ASPSCR1: variants seen among roughly 807,000 people sequenced by gnomAD.
ASPSCR1 encodes the protein ASPSCR1 tether for SLC2A4, UBX domain containing.
Under a neutral mutation model 68.9 loss-of-function variants are expected in ASPSCR1, and 55 were observed. The observed-to-expected ratio is 0.80, with a 90% confidence interval of 0.64 to 1.00. ASPSCR1 has a LOEUF of 1.00. ASPSCR1 is among the 50% of genes least tolerant of loss of function. The probability of loss-of-function intolerance (pLI) is 0.00; values close to 1 mark genes in which losing one functional copy is unlikely to be tolerated. For missense variants in ASPSCR1, 765 were observed against 762.2 expected (o/e 1.00, Z -0.04); for synonymous variants, 352 against 332.6 (o/e 1.06, Z -0.63).
At position 81,977,868 on chromosome 17, in the gene ASPSCR1, C is replaced by G. The variant is rs1442038533; in HGVS notation, c.102+120C>G. The G allele has an allele frequency of 2.9e-6, 2 of 689,760 alleles. No individual in the cohort carries two copies. Among genetic ancestry groups the G allele is most frequent in the Non-Finnish European group, 3.9e-6 (2 of 510,252 alleles). 42.7% of individuals were successfully genotyped at this position (689,760 alleles called of 1,614,324 possible). A position where few individuals can be genotyped will look rare whatever the true frequency, so the allele number is the denominator to read the frequency against. On this transcript the variant is annotated intron_variant, in intron 1 of 15. Coordinates refer to ENST00000306739, the MANE Select transcript of ASPSCR1 (RefSeq NM_024083.4). This position sits in a 1 kb window ranked among gnomAD's most constrained non-coding sequence, Gnocchi z 5.0. ...GGGGCCTCGGCGGCCAATGAGCGGCCTCCTGAGCGGCGGCCCCGCCCCCTG... is the reference window on the plus strand; with the variant it reads ...GGGGCCTCGGCGGCCAATGAGCGGCGTCCTGAGCGGCGGCCCCGCCCCCTG...
chr17:81,994,760 C>T, intron 4 of ASPSCR1, 61 bp from the exon 5 acceptor site: 1 of 1,540,480 alleles, frequency 6.5e-7, no homozygotes, highest in Non-Finnish European at 9.0e-7. Context: ...TGCCCCAGGG[C>T]CTCCGTGGCA....
chr17:82,015,413 C>T, intron 12 of ASPSCR1: 2 of 1,539,114 alleles, frequency 1.3e-6, no homozygotes, highest in Non-Finnish European at 8.7e-7. Flanking sequence ...AGCCCAGGTG[C>T]CCCAGGCCTG....
intron 1 of ASPSCR1, 57 bp from the exon 2 acceptor site, chr17:81,979,127 C>A: frequency 6.3e-7 from 1 of 1,591,606 alleles, no homozygotes; most frequent in Non-Finnish European, 8.6e-7. Context: ...ACCTGGCCCA[C>A]TGCGCCCGCC....
At chr17:81,985,483 T>A in intron 3 of ASPSCR1, 24 bp from the exon 4 acceptor site, 3 of 1,609,360 alleles carry the variant, frequency 1.9e-6, no homozygotes, top group Non-Finnish European at 2.6e-6. Flanking sequence ...CCTAAGGAAG[T>A]TTCTCATGTC....
chr17:81,977,676 C>G lies in ASPSCR1; in HGVS notation c.30C>G (p.Ser10=). The G allele has an allele frequency of 2.1e-6, 3 of 1,399,342 alleles. No individual in the cohort carries two copies. The highest frequency in any genetic ancestry group is 3.1e-5 in the East Asian group (1 of 32,352). The allele number at this position is 1,399,342 out of a possible 1,614,324, so 86.7% of individuals were successfully genotyped here. MAAPAGGGG[S]AVSVLAPNGR... ...CGGCCCCGGCAGGCGGCGGAGGCTCCGCGGTGTCGGTGCTGGCCCCGAACG... is the reference window on the plus strand; with the variant it reads ...CGGCCCCGGCAGGCGGCGGAGGCTCGGCGGTGTCGGTGCTGGCCCCGAACG... The change falls in exon 1 of 16, where the codon TCC becomes TCG. Residue 10 remains serine, a synonymous_variant. Transcript: ENST00000306739. This position sits in a 1 kb window ranked among gnomAD's most constrained non-coding sequence, Gnocchi z 5.0.
chr17:82,003,673 G>T (rs1275018851), intron 7 of ASPSCR1, among the ~76,000 whole-genome samples: 3 of 152,254 alleles, frequency 2.0e-5, no homozygotes, highest in Admixed American at 1.3e-4. Context: ...ATTTGGGCAT[G>T]GAGTTTGTGG....
intron 12 of ASPSCR1, chr17:82,015,443 T>A: frequency 6.9e-7 from 1 of 1,458,660 alleles, no homozygotes; most frequent in South Asian, 1.3e-5. Context: ...CCTACTTCCC[T>A]CTCCTGGTGT....
chr17:82,009,353 G>T, intron 8 of ASPSCR1, 133 bp from the exon 9 acceptor site: 1 of 1,355,318 alleles, frequency 7.4e-7, no homozygotes, highest in Non-Finnish European at 9.9e-7. Flanking sequence ...AGGGAGGGGC[G>T]TCCAGACCTT....
At position 82,009,054 on chromosome 17, in the gene ASPSCR1, C is replaced by CGTGGACCGGGAGCCG. The variant is rs750209131; in HGVS notation, c.956_970dup (p.Asp319_Val323dup). On this transcript the variant is annotated inframe_insertion, in exon 8 of 16. Transcript: ENST00000306739. ...GCCTCCAGCCCGTGGACCGGGAGCCCGTGGACCGGGAGCCGGTGGTGTGCC... is the reference window on the plus strand; with the variant it reads ...GCCTCCAGCCCGTGGACCGGGAGCCCGTGGACCGGGAGCCGGTGGACCGGGAGCCGGTGGTGTGCC... 3 of 1,555,622 alleles carry CGTGGACCGGGAGCCG rather than the reference C, an allele frequency of 1.9e-6. No homozygotes were observed. Among genetic ancestry groups the CGTGGACCGGGAGCCG allele is most frequent in the South Asian group, 1.2e-5 (1 of 84,962 alleles).
At chr17:81,985,351 G>A (rs2041962003) in intron 3 of ASPSCR1, among the ~76,000 whole-genome samples, 156 bp from the exon 4 acceptor site, 2 of 152,358 alleles carry the variant, frequency 1.3e-5, no homozygotes, top group South Asian at 4.1e-4. Flanking sequence ...TCACTCCAGA[G>A]TGAATAGGAG....
chr17:81,996,135 G>A, intron 6 of ASPSCR1, 70 bp downstream of exon 6: 1 of 1,476,980 alleles, frequency 6.8e-7, no homozygotes, highest in Non-Finnish European at 9.0e-7. Context: ...AAGGAAAGGA[G>A]AAAGGACACG....
chr17:82,016,055 C>T (rs1012680178), intron 12 of ASPSCR1: 7 of 194,308 alleles, frequency 3.6e-5, no homozygotes, highest in East Asian at 1.3e-4. Flanking sequence ...AGCCTGGAGC[C>T]GGGAGGGGGA....
chr17:82,009,398 C>A, intron 8 of ASPSCR1, 88 bp from the exon 9 acceptor site: 1 of 1,419,176 alleles, frequency 7.0e-7, no homozygotes, highest in Non-Finnish European at 9.5e-7. Context: ...CCACTCCCAC[C>A]CTGGAGGGTG....
chr17:82,010,761 G>C (rs750328029), intron 9 of ASPSCR1, 41 bp from the exon 10 acceptor site: 8 of 1,594,822 alleles, frequency 5.0e-6, no homozygotes, highest in Non-Finnish European at 6.9e-6. Flanking sequence ...CCCTGGTGCA[G>C]CTCCGGCCGT....
At chr17:82,013,589 C>G (rs572818498) in intron 12 of ASPSCR1, 1 of 152,336 alleles carries the variant, frequency 6.6e-6, no homozygotes, top group South Asian at 2.1e-4. Context: ...TTTCACGTCT[C>G]TGGCAGAGCC....
chr17:81,995,467 G>A (rs1267201274), intron 5 of ASPSCR1: 2 of 227,948 alleles, frequency 8.8e-6, no homozygotes, highest in Non-Finnish European at 1.7e-5. Context: ...TGGCCCTCAG[G>A]GACCCTTACA....
rs1446302021 is a variant in ASPSCR1, at chr17:81,990,881, G to A, written c.375-3940G>A. Reference sequence around the variant, plus strand: ...GCCCCAGGAGGTCATACTGTGACTCGGGGGATACTGTAGCACGTCTGGGCA... The same window carrying A: ...GCCCCAGGAGGTCATACTGTGACTCAGGGGATACTGTAGCACGTCTGGGCA... On this transcript the variant is annotated intron_variant, in intron 4 of 15. Coordinates refer to ENST00000306739, the MANE Select transcript of ASPSCR1 (RefSeq NM_024083.4). The surrounding 1 kb of genome is among the most constrained non-coding windows in gnomAD (Gnocchi z 4.1). Among the ~76,000 whole-genome samples the A allele has an allele frequency of 6.6e-5, 10 of 152,248 alleles. No individual in the cohort carries two copies. The South Asian group carries it at 1.0e-3, about 16-fold the overall frequency.
intron 9 of ASPSCR1, chr17:82,009,984 A>C: frequency 3.7e-6 from 1 of 273,880 alleles, no homozygotes; most frequent in Non-Finnish European, 7.4e-6. Flanking sequence ...ATCTCAGCTC[A>C]CTGCAAGCTC....
intron 12 of ASPSCR1, chr17:82,015,558 G>A: frequency 1.4e-6 from 1 of 716,186 alleles, no homozygotes; most frequent in Non-Finnish European, 2.2e-6. Context: ...CTCTGCATCG[G>A]TGGCCTCTGA....
Sources: gnomAD v4.1 joint callset for allele counts (sites outside exome capture counted in the v4.1 genomes callset) on GRCh38, gnomAD v4.1.1 for gene constraint, Gnocchi (gnomAD v3.1) non-coding constraint, MANE v1.5 for transcripts, NCBI Gene and HGNC (gene_info 2026-07-23, HGNC 2026-07-21) for gene names.